LY75: variants seen among roughly 807,000 people sequenced by gnomAD.
LY75 encodes C-type lectin domain family 13 member B.
Under a neutral mutation model 231.7 loss-of-function variants are expected in LY75, and 185 were observed. The observed-to-expected ratio is 0.80, with a 90% CI of 0.71 to 0.90. The LOEUF is 0.90. Among genes scored for constraint, LY75 ranks in the 40% least tolerant of loss-of-function variants. The probability of loss-of-function intolerance (pLI) is 0.00; values close to 1 mark genes in which losing one functional copy is unlikely to be tolerated. For synonymous variants in LY75, 668 were observed against 689.0 expected (o/e 0.97, Z 0.48); for missense variants, 1,947 against 2,050.2 (o/e 0.95, Z 0.97).
intron 13 of LY75, among the ~76,000 whole-genome samples, chr2:159,866,059 C>T (rs1271881413): frequency 6.6e-6 from 1 of 152,050 alleles, no homozygotes; most frequent in Non-Finnish European, 1.5e-5. Flanking sequence ...TATGTATGAT[C>T]AGTACATATG....
rs564591417 is a variant in LY75, at chr2:159,818,367, G to A, written c.4154-1335C>T. Among the ~76,000 whole-genome samples, 8 of 152,216 alleles carry A rather than the reference G, an allele frequency of 5.3e-5. No homozygotes were observed. The Middle Eastern group carries it at 0.017, about 324-fold the overall frequency. On this transcript the variant is annotated intron_variant, in intron 29 of 34. Transcript: ENST00000263636. ...AGTGAGAATGCTCCCTCACATCTTT[G>A]GTCTTCCCTCAAAAACTTATAACCC...
At chr2:159,853,882 C>T (rs577126913) in intron 18 of LY75, among the ~76,000 whole-genome samples, 185 bp from the exon 19 acceptor site, 14 of 152,254 alleles carry the variant, frequency 9.2e-5, no homozygotes, top group Admixed American at 3.3e-4. Context: ...AGTATATTTA[C>T]AGATCCTATT....
Position 159,885,776 on chromosome 2 carries a change from T to C in LY75, c.914-483A>G, listed in dbSNP as rs541291091. On this transcript the variant is annotated intron_variant, in intron 5 of 34. Coordinates refer to ENST00000263636, the MANE Select transcript of LY75 (RefSeq NM_002349.4). ...AAGTGGCTAATTTGAATTTTATTGC[T>C]CTTAACTCAGTTTTCCTACTATGTG... Among the ~76,000 whole-genome samples, 7 of 152,344 alleles carry C rather than the reference T, an allele frequency of 4.6e-5. No individual in the cohort carries two copies. The East Asian group carries it at 1.3e-3, about 29-fold the overall frequency.
At chr2:159,874,268 TATATAA>T (rs1350378955) in intron 12 of LY75, among the ~76,000 whole-genome samples, 1 of 127,174 alleles carries the variant, frequency 7.9e-6, no homozygotes, top group Admixed American at 8.6e-5. Flanking sequence ...ATTGTAAATA[TATATAA>T]ATATATTGTA....
At chr2:159,841,113 G>C in intron 24 of LY75, 158 bp from the exon 25 acceptor site, 2 of 676,494 alleles carry the variant, frequency 3.0e-6, no homozygotes, top group Non-Finnish European at 3.7e-6. Flanking sequence ...ATGTCTTGCT[G>C]TATACCTTAA....
At chr2:159,838,669 A>G (rs1418642703) in intron 25 of LY75, among the ~76,000 whole-genome samples, 2 of 152,350 alleles carry the variant, frequency 1.3e-5, no homozygotes, top group East Asian at 3.9e-4. Flanking sequence ...AAAGCGTTTC[A>G]CAGAATTTCC....
intron 32 of LY75, among the ~76,000 whole-genome samples, chr2:159,809,468 G>A (rs562500664): frequency 8.5e-5 from 13 of 152,116 alleles, no homozygotes; most frequent in Non-Finnish European, 1.6e-4. Flanking sequence ...CTAAGCTTAT[G>A]TATTAATAAC....
chr2:159,828,665 C>T (rs1346219353), intron 28 of LY75, among the ~76,000 whole-genome samples: 1 of 152,082 alleles, frequency 6.6e-6, no homozygotes, highest in South Asian at 2.1e-4. Context: ...TATGTCCATG[C>T]AAAAACTTGT....
intron 14 of LY75, among the ~76,000 whole-genome samples, chr2:159,862,270 C>T (rs1363806994): frequency 2.3e-5 from 3 of 129,358 alleles, no homozygotes; most frequent in East Asian, 2.3e-4. Flanking sequence ...CTAGCCTGGG[C>T]GACAGAGTGA....
At position 159,881,070 on chromosome 2, in the gene LY75, G is replaced by A. The variant is rs1304652861; in HGVS notation, c.1404+13C>T. ...ACAGGAAGAATATAAAGAAACCACAGGAGGTTTCGTACCTCTCCTAAGTAG... is the reference window on the plus strand; with the variant it reads ...ACAGGAAGAATATAAAGAAACCACAAGAGGTTTCGTACCTCTCCTAAGTAG... On this transcript the variant is annotated intron_variant, in intron 8 of 34. Transcript: ENST00000263636. 2 of 1,609,920 alleles carry A rather than the reference G, an allele frequency of 1.2e-6. No individual in the cohort carries two copies. The highest frequency in any genetic ancestry group is 1.3e-5 in the African/African-American group (1 of 74,694).
At chr2:159,834,509 G>C (rs533547947) in intron 26 of LY75, among the ~76,000 whole-genome samples, 1 of 152,078 alleles carries the variant, frequency 6.6e-6, no homozygotes. Flanking sequence ...AAGTACAAGG[G>C]ACCACCCCTA....
At chr2:159,877,185 G>C (rs1371597281) in intron 11 of LY75, among the ~76,000 whole-genome samples, 1 of 152,074 alleles carries the variant, frequency 6.6e-6, no homozygotes, top group East Asian at 1.9e-4. Flanking sequence ...CATGTTGATG[G>C]TGATGACCAT....
At chr2:159,812,051 G>A (rs1682975983) in intron 31 of LY75, among the ~76,000 whole-genome samples, 1 of 152,146 alleles carries the variant, frequency 6.6e-6, no homozygotes, top group Non-Finnish European at 1.5e-5. Flanking sequence ...TGTTGCACTG[G>A]GCTCAATTGT....
At chr2:159,864,994 G>C in intron 13 of LY75, 74 bp from the exon 14 acceptor site, 1 of 1,329,478 alleles carries the variant, frequency 7.5e-7, no homozygotes, top group Admixed American at 2.5e-5. Context: ...TGTCTAATGT[G>C]CATCACTAAT....
At chr2:159,871,888 T>C (rs1685024254) in intron 13 of LY75, 1 of 152,606 alleles carries the variant, frequency 6.6e-6, no homozygotes, top group Non-Finnish European at 1.5e-5. Flanking sequence ...TTTGGTTGTG[T>C]TTAATTACTT....
intron 16 of LY75, among the ~76,000 whole-genome samples, chr2:159,855,516 TGGAAAC>T (rs1242372977): frequency 4.6e-5 from 7 of 152,136 alleles, no homozygotes; most frequent in African/African-American, 1.4e-4. Context: ...GATTCCCAGA[TGGAAAC>T]GGAGTAAATA....
At chr2:159,887,086 A>T (rs1253878417) in intron 4 of LY75, among the ~76,000 whole-genome samples, 3 of 149,944 alleles carry the variant, frequency 2.0e-5, no homozygotes, top group Non-Finnish European at 4.4e-5. Flanking sequence ...TATGTATAGG[A>T]GCTGTTTCAT....
Position 159,890,282 on chromosome 2 carries a change from CAT to C in LY75, c.731_732del (p.Tyr244CysfsTer9). On this transcript the variant is annotated frameshift_variant, in exon 4 of 35. Coordinates refer to ENST00000263636, the MANE Select transcript of LY75 (RefSeq NM_002349.4). LOFTEE classifies it high-confidence loss of function. ...TQTALSWKEA[Y>X]VSCQNQGADL... is the part of the protein sequence containing the mutation. ...TCAGCTCCTTGATTCTGACATGAAA[CAT>C]AAGCTTCTTTCCAAGAAAGAGCCGT... 4 of 1,613,534 alleles carry C rather than the reference CAT, an allele frequency of 2.5e-6. No individual in the cohort carries two copies. Among genetic ancestry groups the C allele is most frequent in the Non-Finnish European group, 2.5e-6 (3 of 1,179,698 alleles).
chr2:159,831,798 A>G lies in LY75; in HGVS notation c.3842-12T>C, dbSNP rs774353083. On this transcript the variant is annotated splice_polypyrimidine_tract_variant and intron_variant, in intron 27 of 34. Coordinates refer to ENST00000263636, the MANE Select transcript of LY75 (RefSeq NM_002349.4). Reference sequence around the variant, plus strand: ...ATGTGATTTTGGATCTGTTGAATAAAAAATAATCAATAATTTTAACAATTA... The same window carrying G: ...ATGTGATTTTGGATCTGTTGAATAAGAAATAATCAATAATTTTAACAATTA... 8.8e-6 allele frequency: 14 copies of G among 1,585,052 alleles called. No homozygotes were observed. The highest frequency in any genetic ancestry group is 1.2e-5 in the Non-Finnish European group (14 of 1,165,040).
Sources: allele counts gnomAD v4.1 joint callset (sites outside exome capture counted in the v4.1 genomes callset), GRCh38; gene constraint gnomAD v4.1.1; transcripts MANE v1.5; gene names NCBI Gene and HGNC (gene_info 2026-07-23, HGNC 2026-07-21).